POGLUT3: variants seen among roughly 807,000 people sequenced by gnomAD.
POGLUT3 encodes KDEL (Lys-Asp-Glu-Leu) containing 2.
In POGLUT3, 48 loss-of-function variants were observed where a neutral mutation model predicts 54.3. The ratio of observed to expected loss-of-function variants is 0.88; its 90% CI spans 0.70 to 1.12. The LOEUF (loss-of-function observed/expected upper bound fraction) is 1.12. Among genes scored for constraint, POGLUT3 ranks in the 50% most tolerant of loss-of-function variants. POGLUT3 has a pLI of 0.00. For synonymous variants in POGLUT3, 218 were observed against 237.4 expected (o/e 0.92, Z 0.75); for missense variants, 629 against 618.7 (o/e 1.02, Z -0.18).
Position 108,498,378 on chromosome 11 carries a change from C to A in POGLUT3, c.-12G>T, listed in dbSNP as rs970952441. 3 of 1,293,830 alleles carry A rather than the reference C, an allele frequency of 2.3e-6. No homozygotes were observed. The highest frequency in any genetic ancestry group is 2.0e-6 in the Non-Finnish European group (2 of 1,023,982). 80.1% of individuals were successfully genotyped at this position (1,293,830 alleles called of 1,614,324 possible). A position where few individuals can be genotyped will look rare whatever the true frequency, so the allele number is the denominator to read the frequency against. On this transcript the variant is annotated 5_prime_UTR_variant, in exon 1 of 8. Coordinates refer to ENST00000323468, the MANE Select transcript of POGLUT3 (RefSeq NM_153705.5). ...GGGAGGCGGCGCATGGTCGGCGGGG[C>A]ACAACTGCGGTCCAGCTCCGCGGCG...
At chr11:108,487,856 C>T (rs1319936871) in intron 2 of POGLUT3, among the ~76,000 whole-genome samples, 1 of 152,120 alleles carries the variant, frequency 6.6e-6, no homozygotes, top group Non-Finnish European at 1.5e-5. Flanking sequence ...AGGTGATCCA[C>T]CTGCCTCGGC....
At chr11:108,477,578 A>G in intron 7 of POGLUT3, 29 bp downstream of exon 7, 1 of 1,380,320 alleles carries the variant, frequency 7.2e-7, no homozygotes, top group South Asian at 1.2e-5. Flanking sequence ...CACCCGACCC[A>G]GCAGTGTGGA....
At chr11:108,492,776 T>A (rs1395327335) in intron 1 of POGLUT3, among the ~76,000 whole-genome samples, 1 of 152,198 alleles carries the variant, frequency 6.6e-6, no homozygotes, top group Non-Finnish European at 1.5e-5. Flanking sequence ...TGAAGTATAA[T>A]AAACATGGAA....
At chr11:108,477,377 T>C (rs2093583854) in intron 7 of POGLUT3, among the ~76,000 whole-genome samples, 1 of 152,028 alleles carries the variant, frequency 6.6e-6, no homozygotes, top group South Asian at 2.1e-4. Context: ...CCAGCCTGCA[T>C]GACAGAGTGA....
chr11:108,488,832 C>T (rs779003050), intron 2 of POGLUT3, among the ~76,000 whole-genome samples: 3 of 152,002 alleles, frequency 2.0e-5, no homozygotes, highest in Non-Finnish European at 4.4e-5. Context: ...AGGGGAAGAA[C>T]CCATCCAAAA....
intron 6 of POGLUT3, among the ~76,000 whole-genome samples, chr11:108,479,025 A>G (rs1385802957): frequency 6.6e-6 from 1 of 152,178 alleles, no homozygotes; most frequent in African/African-American, 2.4e-5. Flanking sequence ...TGCATTTTGT[A>G]TATTCTTGTT....
At position 108,474,879 on chromosome 11, in the gene POGLUT3, C is replaced by T. The variant is rs748708642; in HGVS notation, c.1472G>A (p.Ser491Asn). ...GMELVPQPEDSTAICQCHRKK... is the reference protein window; with the variant it reads ...GMELVPQPEDNTAICQCHRKK... ...CCTGTGGCACTGGCAGATGGCTGTG[C>T]TATCTTCTGGCTGAGGAACAAGTTC... Residue 491 changes from serine to asparagine, a missense_variant, in exon 8 of 8, where the codon AGC becomes AAC. By Grantham distance (46) the Ser-to-Asn change is conservative. Transcript: ENST00000323468. 1.2e-6 allele frequency: 2 copies of T among 1,614,094 alleles called. No homozygotes were observed. Among genetic ancestry groups the T allele is most frequent in the Admixed American group, 3.3e-5 (2 of 60,002 alleles).
At position 108,486,213 on chromosome 11, in the gene POGLUT3, T is replaced by C; in HGVS notation, c.628A>G (p.Lys210Glu). Reference protein sequence around the residue: ...NNHVYRRSLGKYTDFKMFSDE... With the variant: ...NNHVYRRSLGEYTDFKMFSDE... ...GAGAACATCTTGAAGTCTGTGTATT[T>C]CCCTAAAGATCTCCGGTAAACATGG... The change falls in exon 3 of 8, where the codon AAA becomes GAA. Residue 210 changes from lysine (K) to glutamate (E), a missense_variant. Lys to Glu is a moderately conservative substitution (Grantham distance 56, BLOSUM62 1). Transcript: ENST00000323468. The C allele has an allele frequency of 6.2e-7, 1 of 1,613,812 alleles. No individual in the cohort carries two copies. The highest frequency in any genetic ancestry group is 8.5e-7 in the Non-Finnish European group (1 of 1,179,720).
chr11:108,484,665 A>C (rs140072644), intron 3 of POGLUT3, among the ~76,000 whole-genome samples: 2,497 of 152,294 alleles, frequency 0.016, 67 homozygotes, highest in African/African-American at 0.056. Context: ...CTGAGGCAGG[A>C]GAATCGCTTG....
At chr11:108,482,762 G>GAAATA (rs886742074) in intron 3 of POGLUT3, among the ~76,000 whole-genome samples, 6 of 151,974 alleles carry the variant, frequency 3.9e-5, no homozygotes, top group Admixed American at 6.6e-5. Flanking sequence ...AATAGAAAAA[G>GAAATA]AAATAAAATA....
chr11:108,475,701 T>A (rs898218738), intron 7 of POGLUT3, among the ~76,000 whole-genome samples: 1 of 152,030 alleles, frequency 6.6e-6, no homozygotes, highest in African/African-American at 2.4e-5. Flanking sequence ...ACTCCTGGAC[T>A]CAAGCAATCT....
At chr11:108,476,528 T>G (rs73547092) in intron 7 of POGLUT3, among the ~76,000 whole-genome samples, 4,731 of 152,272 alleles carry the variant, frequency 0.031, 266 homozygotes, top group African/African-American at 0.11. Context: ...TAGTAAATAG[T>G]GTAACTTATC....
intron 1 of POGLUT3, among the ~76,000 whole-genome samples, chr11:108,496,619 G>A (rs1249947194): frequency 1.3e-5 from 2 of 151,444 alleles, no homozygotes; most frequent in African/African-American, 4.9e-5. Flanking sequence ...TGCATATCAT[G>A]CATATGAAAC....
Position 108,486,061 on chromosome 11 carries a change from C to T in POGLUT3, c.684+96G>A, listed in dbSNP as rs915044961. ...ATATCTTAGATGCCCATTTCTCAGCCTGAAATCTGTTTCATCCTTTGTCAT... is the reference window on the plus strand; with the variant it reads ...ATATCTTAGATGCCCATTTCTCAGCTTGAAATCTGTTTCATCCTTTGTCAT... On this transcript the variant is annotated intron_variant, in intron 3 of 7. Transcript: ENST00000323468. 5.8e-6 allele frequency: 6 copies of T among 1,025,762 alleles called. No individual in the cohort carries two copies. The African/African-American group carries it at 6.5e-5, about 11-fold the overall frequency. 63.5% of individuals were successfully genotyped at this position (1,025,762 alleles called of 1,614,324 possible).
At chr11:108,485,770 A>G (rs2093602207) in intron 3 of POGLUT3, among the ~76,000 whole-genome samples, 1 of 151,844 alleles carries the variant, frequency 6.6e-6, no homozygotes, top group Non-Finnish European at 1.5e-5. Context: ...GGATTCTCCT[A>G]CCTCAGCCTC....
At chr11:108,495,115 C>A (rs2093619964) in intron 1 of POGLUT3, among the ~76,000 whole-genome samples, 1 of 152,190 alleles carries the variant, frequency 6.6e-6, no homozygotes, top group Admixed American at 6.5e-5. Flanking sequence ...CAGGGAAATT[C>A]TACACTGTCG....
Position 108,474,959 on chromosome 11 carries a change from C to T in POGLUT3, c.1399-7G>A, listed in dbSNP as rs371089528. Reference sequence around the variant, plus strand: ...ACTGGCGCTCGGCATATTTCTGAAACGTGGGTTTAAAGGGAACTGAAAGGT... The same window carrying T: ...ACTGGCGCTCGGCATATTTCTGAAATGTGGGTTTAAAGGGAACTGAAAGGT... On this transcript the variant is annotated splice_region_variant and splice_polypyrimidine_tract_variant and intron_variant, in intron 7 of 7. Coordinates refer to ENST00000323468, the MANE Select transcript of POGLUT3 (RefSeq NM_153705.5). 16 of 1,613,514 alleles carry T rather than the reference C, an allele frequency of 9.9e-6. No individual in the cohort carries two copies. The highest frequency in any genetic ancestry group is 2.7e-5 in the African/African-American group (2 of 74,886).
In POGLUT3 at chr11:108,472,677, A is replaced by T. The variant is rs2135838365; in HGVS notation, c.*2150T>A. 6.6e-6 allele frequency: 1 copy of T among 152,342 alleles called. No individual in the cohort carries two copies. The highest frequency in any genetic ancestry group is 1.9e-4 in the East Asian group (1 of 5,194). 9.4% of individuals were successfully genotyped at this position (152,342 alleles called of 1,614,324 possible). A position where few individuals can be genotyped will look rare whatever the true frequency, so the allele number is the denominator to read the frequency against. On this transcript the variant is annotated 3_prime_UTR_variant, in exon 8 of 8. Coordinates refer to ENST00000323468, the MANE Select transcript of POGLUT3 (RefSeq NM_153705.5). ...CAATATAAATTTTTAAAAATGTAAG[A>T]TGTTTAAAATGCCATTAGCCTTTAG...
intron 5 of POGLUT3, among the ~76,000 whole-genome samples, chr11:108,479,755 A>G (rs2093589220): frequency 6.6e-6 from 1 of 152,230 alleles, no homozygotes; most frequent in Admixed American, 6.5e-5. Context: ...GACCTATTTC[A>G]ATCATGTCTC....
Sources: gnomAD v4.1 joint callset for allele counts (sites outside exome capture counted in the v4.1 genomes callset) on GRCh38, gnomAD v4.1.1 for gene constraint, MANE v1.5 for transcripts, NCBI Gene and HGNC (gene_info 2026-07-23, HGNC 2026-07-21) for gene names.